KCNJ6: variants seen among roughly 807,000 people sequenced by gnomAD.
The protein encoded by KCNJ6 is G protein-activated inward rectifier potassium channel 2.
Under a neutral mutation model 34.2 loss-of-function variants are expected in KCNJ6, and 9 were observed. The observed-to-expected ratio is 0.26, with a 90% CI of 0.16 to 0.46. The LOEUF is 0.46. KCNJ6 is among the 20% of genes least tolerant of loss of function. The pLI is 1.00. For synonymous variants in KCNJ6, 196 were observed against 207.1 expected (o/e 0.95, Z 0.46); for missense variants, 236 against 531.3 (o/e 0.44, Z 5.46).
chr21:37,611,493 A>G lies in KCNJ6; in HGVS notation c.*13666T>C, dbSNP rs1235543998. ...GAGAGAACACTTGCTAACTCATTCT[A>G]TGAATCCAGCATCACCTTAATACCA... On this transcript the variant is annotated 3_prime_UTR_variant, in exon 4 of 4. Transcript: ENST00000609713. 1.3e-5 allele frequency: 2 copies of G among 152,252 alleles called. No homozygotes were observed. Among genetic ancestry groups the G allele is most frequent in the Non-Finnish European group, 2.9e-5 (2 of 68,046 alleles). 9.4% of individuals were successfully genotyped at this position (152,252 alleles called of 1,614,324 possible). A position where few individuals can be genotyped will look rare whatever the true frequency, so the allele number is the denominator to read the frequency against.
intron 3 of KCNJ6, among the ~76,000 whole-genome samples, chr21:37,672,221 A>G (rs1438533473): frequency 6.6e-6 from 1 of 152,090 alleles, no homozygotes; most frequent in African/African-American, 2.4e-5. Context: ...GACCTCCTTA[A>G]GGACAATGAG....
chr21:37,888,686 C>T (rs924415951), intron 1 of KCNJ6, among the ~76,000 whole-genome samples: 2 of 152,188 alleles, frequency 1.3e-5, no homozygotes, highest in Non-Finnish European at 2.9e-5. Flanking sequence ...GCAGGAGATA[C>T]GAGCCCATGG....
At chr21:37,765,451 G>A (rs1451617009) in intron 2 of KCNJ6, among the ~76,000 whole-genome samples, 1 of 152,176 alleles carries the variant, frequency 6.6e-6, no homozygotes, top group East Asian at 1.9e-4. Context: ...GGGTAGGGGT[G>A]CTCCTGGCAT....
At position 37,675,609 on chromosome 21, in the gene KCNJ6, C is replaced by A. The variant is rs948767622; in HGVS notation, c.946+38602G>T. ...TCGCCCTGCCCTGAGCGGAATTCTC[C>A]GGCCCCAGGAGAGGCCGTGTGGCCA... On this transcript the variant is annotated intron_variant, in intron 3 of 3. Transcript: ENST00000609713. The surrounding 1 kb of genome is among the most constrained non-coding windows in gnomAD (Gnocchi z 4.2). Among the ~76,000 whole-genome samples, 1 of 152,248 alleles carries A rather than the reference C, an allele frequency of 6.6e-6. No individual in the cohort carries two copies. The highest frequency in any genetic ancestry group is 6.5e-5 in the Admixed American group (1 of 15,290).
At chr21:37,785,494 T>C (rs748418317) in intron 2 of KCNJ6, among the ~76,000 whole-genome samples, 5 of 152,184 alleles carry the variant, frequency 3.3e-5, no homozygotes, top group Non-Finnish European at 5.9e-5. Flanking sequence ...TCTCAGTGTG[T>C]TGGGTTTTCA....
chr21:37,616,587 G>GTACATATATATATA lies in KCNJ6; in HGVS notation c.*8558_*8571dup, dbSNP rs2054267562. The GTACATATATATATA allele has an allele frequency of 5.4e-5, 1 of 18,376 alleles. No individual in the cohort carries two copies. Among genetic ancestry groups the GTACATATATATATA allele is most frequent in the African/African-American group, 3.4e-4 (1 of 2,956 alleles). 1.1% of individuals were successfully genotyped at this position (18,376 alleles called of 1,614,324 possible). ...GGCAATTATGAAGCAGGAACAAAAT[G>GTACATATATATATA]TACATATATATATATATATATATAT... is the stretch of plus-strand genomic sequence containing the variant. On this transcript the variant is annotated 3_prime_UTR_variant, in exon 4 of 4. Transcript: ENST00000609713.
chr21:37,726,646 A>C (rs558872330), intron 2 of KCNJ6, among the ~76,000 whole-genome samples: 1 of 152,262 alleles, frequency 6.6e-6, no homozygotes, highest in South Asian at 2.1e-4. Flanking sequence ...CCAAAGTATA[A>C]ATTTTGATTA....
intron 1 of KCNJ6, among the ~76,000 whole-genome samples, chr21:37,914,489 A>G (rs964589496): frequency 1.3e-5 from 2 of 152,054 alleles, no homozygotes; most frequent in African/African-American, 4.8e-5. Flanking sequence ...GCCGTCAGGG[A>G]GTTGGGCACA....
chr21:37,655,109 C>T (rs928865914), intron 3 of KCNJ6, among the ~76,000 whole-genome samples: 3 of 151,306 alleles, frequency 2.0e-5, no homozygotes, highest in African/African-American at 4.9e-5. Context: ...CATTTGAGTT[C>T]CTGGGTCAAG....
intron 2 of KCNJ6, among the ~76,000 whole-genome samples, chr21:37,801,813 G>A (rs2055270850): frequency 6.6e-6 from 1 of 152,110 alleles, no homozygotes; most frequent in Admixed American, 6.5e-5. Flanking sequence ...GGACAAGGAA[G>A]ATGGCATCAA....
At chr21:37,764,009 A>G (rs1417323652) in intron 2 of KCNJ6, among the ~76,000 whole-genome samples, 1 of 151,862 alleles carries the variant, frequency 6.6e-6, no homozygotes, top group Non-Finnish European at 1.5e-5. Context: ...CTACATACTC[A>G]AAGGCCATGT....
rs1046292449 is a variant in KCNJ6 at position 37,618,098 on chromosome 21, C to G, written c.*7061G>C. ...CGGGAGGGTATTTCTCATACCCATG[C>G]CCACAGTCAGCAATGCTGAGAGATG... is the stretch of plus-strand genomic sequence containing the variant. On this transcript the variant is annotated 3_prime_UTR_variant, in exon 4 of 4. Coordinates refer to ENST00000609713, the MANE Select transcript of KCNJ6 (RefSeq NM_002240.5). The G allele has an allele frequency of 1.4e-4, 22 of 152,370 alleles. No individual in the cohort carries two copies. The highest frequency in any genetic ancestry group is 1.1e-3 in the Admixed American group (17 of 15,296). 9.4% of individuals were successfully genotyped at this position (152,370 alleles called of 1,614,324 possible).
chr21:37,700,218 G>A (rs1479893043), intron 3 of KCNJ6, among the ~76,000 whole-genome samples: 1 of 152,192 alleles, frequency 6.6e-6, no homozygotes, highest in Non-Finnish European at 1.5e-5. Context: ...GAAGCAGAGG[G>A]AGGACTTTTG....
At chr21:37,668,528 T>C (rs1243412001) in intron 3 of KCNJ6, among the ~76,000 whole-genome samples, 2 of 152,118 alleles carry the variant, frequency 1.3e-5, no homozygotes, top group Non-Finnish European at 1.5e-5. Flanking sequence ...ATCACTTCTT[T>C]AAAGGCCCTA....
chr21:37,661,420 A>T (rs985413541), intron 3 of KCNJ6, among the ~76,000 whole-genome samples: 4 of 152,164 alleles, frequency 2.6e-5, no homozygotes, highest in Non-Finnish European at 4.4e-5. Flanking sequence ...GAACAGAGTG[A>T]TGTGCTACAT....
At chr21:37,807,947 C>A (rs569886186) in intron 2 of KCNJ6, among the ~76,000 whole-genome samples, 1 of 152,094 alleles carries the variant, frequency 6.6e-6, no homozygotes, top group East Asian at 1.9e-4. Flanking sequence ...AGATAGGGGG[C>A]GAGCATGTCC....
At chr21:37,667,463 A>G (rs1237983800) in intron 3 of KCNJ6, among the ~76,000 whole-genome samples, 1 of 151,948 alleles carries the variant, frequency 6.6e-6, no homozygotes, top group Non-Finnish European at 1.5e-5. Flanking sequence ...ATAGGACATC[A>G]GGGGTAGTAG....
chr21:37,869,871 G>A (rs2055641526), intron 1 of KCNJ6, among the ~76,000 whole-genome samples: 1 of 152,220 alleles, frequency 6.6e-6, no homozygotes, highest in South Asian at 2.1e-4. Context: ...TGAAGTCTGG[G>A]CTTTAGGACT....
At chr21:37,676,678 T>G (rs1263931692) in intron 3 of KCNJ6, among the ~76,000 whole-genome samples, 1 of 152,120 alleles carries the variant, frequency 6.6e-6, no homozygotes, top group Admixed American at 6.5e-5. Flanking sequence ...CTCAGCAGGG[T>G]TGTGTTGGCC....
Sources: gnomAD v4.1 joint callset for allele counts (sites outside exome capture counted in the v4.1 genomes callset) on GRCh38, gnomAD v4.1.1 for gene constraint, Gnocchi (gnomAD v3.1) non-coding constraint, MANE v1.5 for transcripts, NCBI Gene and HGNC (gene_info 2026-07-23, HGNC 2026-07-21) for gene names.